Variants in TLE2 observed in about 807,000 individuals in gnomAD.
TLE2 encodes the protein transducin-like enhancer protein 2.
Under a neutral mutation model 97.2 loss-of-function variants are expected in TLE2, and 74 were observed. The ratio of observed to expected loss-of-function variants is 0.76; its 90% CI spans 0.63 to 0.92. TLE2 has a LOEUF of 0.92. Ranked by LOEUF, TLE2 falls within the 40% of genes least tolerant of loss-of-function variation. The pLI is 0.00. For missense variants in TLE2, 1,038 were observed against 1,008.7 expected (o/e 1.03, Z -0.39); for synonymous variants, 499 against 432.1 (o/e 1.15, Z -1.92).
At chr19:3,043,086 C>T (rs1160979789) in intron 1 of TLE2, among the ~76,000 whole-genome samples, 2 of 152,136 alleles carry the variant, frequency 1.3e-5, no homozygotes, top group Non-Finnish European at 2.9e-5. Flanking sequence ...TCCCAAAGTG[C>T]TGGGATTACA....
intron 5 of TLE2, among the ~76,000 whole-genome samples, chr19:3,021,668 C>T (rs1011218542): frequency 5.3e-5 from 8 of 152,038 alleles, no homozygotes; most frequent in Non-Finnish European, 1.0e-4. Flanking sequence ...CTGCAACCTC[C>T]GCCTCCCAGG....
chr19:3,039,664 C>A (rs556149566), intron 1 of TLE2, among the ~76,000 whole-genome samples: 1 of 152,318 alleles, frequency 6.6e-6, no homozygotes, highest in South Asian at 2.1e-4. Context: ...CCCCAACACA[C>A]CACCGGCTAC....
intron 19 of TLE2, among the ~76,000 whole-genome samples, chr19:2,998,510 T>C (rs1434703120): frequency 1.3e-5 from 2 of 152,086 alleles, no homozygotes; most frequent in African/African-American, 4.8e-5. Flanking sequence ...ACTCCTGACC[T>C]CAGGTGATCC....
intron 18 of TLE2, 117 bp from the exon 19 acceptor site, chr19:3,000,840 T>TC: frequency 1.4e-6 from 1 of 710,828 alleles, no homozygotes; most frequent in Non-Finnish European, 2.3e-6. Context: ...TTTTTTTTTT[T>TC]TCCAAGAAAG....
At position 3,029,028 on chromosome 19, in the gene TLE2, C is replaced by A; in HGVS notation, c.-124G>T. 6.7e-7 allele frequency: 1 copy of A among 1,489,240 alleles called. No homozygotes were observed. Among genetic ancestry groups the A allele is most frequent in the Admixed American group, 2.4e-5 (1 of 41,300 alleles). The allele number at this position is 1,489,240 out of a possible 1,614,324, so 92.3% of individuals were successfully genotyped here. A position where few individuals can be genotyped will look rare whatever the true frequency, so the allele number is the denominator to read the frequency against. ...CGAAGAAAGAGGGAGGAGGGAGAAG[C>A]GGCGCGGGGCAAGGGACCCTGGAGT... On this transcript the variant is annotated 5_prime_UTR_variant, in exon 1 of 20. Transcript: ENST00000262953.
upstream of TLE2, among the ~76,000 whole-genome samples, chr19:3,046,354 C>T (rs1393510223): frequency 6.6e-6 from 1 of 152,228 alleles, no homozygotes; most frequent in African/African-American, 2.4e-5. Context: ...GGCACCTGGC[C>T]GGCCTGACTG....
In TLE2 at chr19:3,013,779, AG is replaced by A; in HGVS notation, c.762del (p.Cys255AlafsTer37). On this transcript the variant is annotated frameshift_variant, in exon 11 of 20. Transcript: ENST00000262953. LOFTEE classifies it high-confidence loss of function. ...GGAATGCAGATGGGTACCTTTCCGC[AG>A]GGGGTGGTAGCCGGGCTGGGGGGCT... is the stretch of plus-strand genomic sequence containing the variant. ...PSEPPSPATT[P>X]CGKVPICIPA... The A allele has an allele frequency of 1.3e-6, 2 of 1,558,050 alleles. No individual in the cohort carries two copies. The highest frequency in any genetic ancestry group is 1.7e-6 in the Non-Finnish European group (2 of 1,155,194).
intron 18 of TLE2, among the ~76,000 whole-genome samples, chr19:3,000,948 G>C (rs2089345074): frequency 6.6e-6 from 1 of 151,580 alleles, no homozygotes; most frequent in Admixed American, 6.6e-5. Flanking sequence ...AAGCAGCTGG[G>C]ACCACAGGTG....
intron 1 of TLE2, among the ~76,000 whole-genome samples, chr19:3,043,776 C>T (rs1390728217): frequency 2.7e-5 from 4 of 150,876 alleles, no homozygotes; most frequent in Non-Finnish European, 5.9e-5. Context: ...TGCCACTGCA[C>T]TCCAGCCTGG....
chr19:3,013,683 T>C lies in TLE2; in HGVS notation c.859A>G (p.Lys287Glu), dbSNP rs1429971195. Residue 287 changes from lysine (K) to glutamate (E), a missense_variant, in exon 11 of 20, where the codon AAG becomes GAG. Transcript: ENST00000262953. The stretch of plus-strand genomic sequence containing the variant: ...CTCCTCCTTACCAGGATGAGCTCCT[T>C]GGCTCTAGGCAGCGGTGAGCCAAGG... ...SSLGSPLPRA[K>E]ELILNDLPAS... is the part of the protein sequence containing the mutation. 1.4e-6 allele frequency: 2 copies of C among 1,416,634 alleles called. No individual in the cohort carries two copies. The highest frequency in any genetic ancestry group is 2.8e-5 in the Admixed American group (1 of 35,906). The allele number at this position is 1,416,634 out of a possible 1,614,324, so 87.8% of individuals were successfully genotyped here. A position where few individuals can be genotyped will look rare whatever the true frequency, so the allele number is the denominator to read the frequency against.
At chr19:3,035,860 G>T (rs770422646) in intron 1 of TLE2, among the ~76,000 whole-genome samples, 4 of 151,874 alleles carry the variant, frequency 2.6e-5, no homozygotes, top group African/African-American at 9.7e-5. Flanking sequence ...CCTAGTGGAC[G>T]CCCGAGCTCG....
chr19:2,998,477 C>T lies in TLE2; in HGVS notation c.2125-522G>A, dbSNP rs1002545572. Among the ~76,000 whole-genome samples the T allele has an allele frequency of 2.2e-5, 3 of 137,058 alleles. No individual in the cohort carries two copies. In the Admixed American group the frequency reaches 2.4e-4, roughly 11 times the overall value. 89.9% of individuals were successfully genotyped at this position (137,058 alleles called of 152,430 possible). On this transcript the variant is annotated intron_variant, in intron 19 of 19. Transcript: ENST00000262953. ...ATTTTTAGAAGAGGCAGGGTTTCAC[C>T]ATGTTGGCCAGGTTGGGCTTGAACT...
rs34658846 is a variant in TLE2 at position 3,015,058 on chromosome 19, CA to C, written c.679-445del. Among the ~76,000 whole-genome samples the C allele has an allele frequency of 2.9e-3, 378 of 130,472 alleles. 2 individuals carry two copies. Among genetic ancestry groups the C allele is most frequent in the East Asian group, 8.5e-3 (39 of 4,568 alleles). The allele number at this position is 130,472 out of a possible 152,430, so 85.6% of individuals were successfully genotyped here. A position where few individuals can be genotyped will look rare whatever the true frequency, so the allele number is the denominator to read the frequency against. On this transcript the variant is annotated intron_variant, in intron 9 of 19. Transcript: ENST00000262953. ...TAAATAAATAAATAAAATTCATTGC[CA>C]AAAAAAAAAAAAAAAAGCTATTAGG... is the stretch of plus-strand genomic sequence containing the variant.
At chr19:3,024,875 G>A (rs1000756326) in intron 5 of TLE2, 145 bp downstream of exon 5, 10 of 682,500 alleles carry the variant, frequency 1.5e-5, no homozygotes, top group South Asian at 5.9e-5. Context: ...TCAGGGCTGC[G>A]GGACTACTGC....
In TLE2 at chr19:3,005,534, T is replaced by TA. The variant is rs2089455112; in HGVS notation, c.1798dup (p.Tyr600LeufsTer29). Reference sequence around the variant, plus strand: ...GCCCCCTGTCCAGAGCCGAGTGCCGTAATCGGAAATATCAATGCAGCTGGC... The same window carrying TA: ...GCCCCCTGTCCAGAGCCGAGTGCCGTAAATCGGAAATATCAATGCAGCTGGC... On this transcript the variant is annotated frameshift_variant, in exon 17 of 20. Coordinates refer to ENST00000262953, the MANE Select transcript of TLE2 (RefSeq NM_003260.5). LOFTEE classifies it high-confidence loss of function. The TA allele has an allele frequency of 6.2e-7, 1 of 1,613,452 alleles. No individual in the cohort carries two copies. Among genetic ancestry groups the TA allele is most frequent in the African/African-American group, 1.3e-5 (1 of 74,950 alleles).
chr19:3,029,045 C>T lies in TLE2; in HGVS notation c.-141G>A. 7.1e-7 allele frequency: 1 copy of T among 1,413,804 alleles called. No individual in the cohort carries two copies. The highest frequency in any genetic ancestry group is 1.6e-5 in the South Asian group (1 of 61,594). The allele number at this position is 1,413,804 out of a possible 1,614,324, so 87.6% of individuals were successfully genotyped here. A position where few individuals can be genotyped will look rare whatever the true frequency, so the allele number is the denominator to read the frequency against. On this transcript the variant is annotated 5_prime_UTR_variant, in exon 1 of 20. Coordinates refer to ENST00000262953, the MANE Select transcript of TLE2 (RefSeq NM_003260.5). ...GGGAGAAGCGGCGCGGGGCAAGGGACCCTGGAGTCCCTGGCGCGCCCCCAA... is the reference window on the plus strand; with the variant it reads ...GGGAGAAGCGGCGCGGGGCAAGGGATCCTGGAGTCCCTGGCGCGCCCCCAA...
Position 3,006,611 on chromosome 19 carries a change from C to G in TLE2, c.1309G>C (p.Asp437His), listed in dbSNP as rs759953231. The change falls in exon 15 of 20, where the codon GAT (aspartate) becomes CAT (histidine). Residue 437 changes from aspartate to histidine, a missense_variant. By Grantham distance (81) the Asp-to-His change is moderately conservative. Coordinates refer to ENST00000262953, the MANE Select transcript of TLE2 (RefSeq NM_003260.5). ...GGGATGCCCGCGCCTACCAGTGCAT[C>G]CGAGGGGAAGGGAACCGGCTGCATC... ...GQMQPVPFPS[D>H]ALVGAGIPRH... 6.1e-5 allele frequency: 99 copies of G among 1,610,610 alleles called. No individual in the cohort carries two copies. Among genetic ancestry groups the G allele is most frequent in the Non-Finnish European group, 8.2e-5 (97 of 1,178,640 alleles).
At chr19:3,033,582 G>A (rs953019963), upstream of TLE2, among the ~76,000 whole-genome samples, 5 of 152,214 alleles carry the variant, frequency 3.3e-5, no homozygotes, top group Admixed American at 2.6e-4. Context: ...ACAGGTGTGA[G>A]CCACCGCGCC....
chr19:3,006,427 T>TC lies in TLE2; in HGVS notation c.1492dup (p.Asp498GlyfsTer26). The TC allele has an allele frequency of 6.2e-7, 1 of 1,609,918 alleles. No individual in the cohort carries two copies. The highest frequency in any genetic ancestry group is 8.5e-7 in the Non-Finnish European group (1 of 1,179,382). On this transcript the variant is annotated frameshift_variant, in exon 15 of 20. Transcript: ENST00000262953. LOFTEE classifies it high-confidence loss of function. ...GTCCCACCCCGCCCTCACCAGGCAGTCGAGCTGGGCCACGGGCGTCTTGGC... is the reference window on the plus strand; with the variant it reads ...GTCCCACCCCGCCCTCACCAGGCAGTCCGAGCTGGGCCACGGGCGTCTTGGC...
Sources: allele counts gnomAD v4.1 joint callset (sites outside exome capture counted in the v4.1 genomes callset), GRCh38; gene constraint gnomAD v4.1.1; transcripts MANE v1.5; gene names NCBI Gene and HGNC (gene_info 2026-07-23, HGNC 2026-07-21).